Variants in PIPOX observed in about 807,000 individuals in gnomAD.
The protein encoded by PIPOX is peroxisomal sarcosine oxidase.
PIPOX carries 45 observed loss-of-function variants against 47.9 expected under a neutral mutation model. The observed-to-expected ratio is 0.94, with a 90% CI of 0.74 to 1.20. The LOEUF (loss-of-function observed/expected upper bound fraction) is 1.20, where lower values mean the gene tolerates loss of function less well. PIPOX is among the 50% of genes most tolerant of loss of function. The pLI is 0.00. For synonymous variants in PIPOX, 165 were observed against 191.3 expected, an observed-to-expected ratio of 0.86 and a Z score of 1.13; for missense variants, 458 against 498.4, an observed-to-expected ratio of 0.92 and a Z score of 0.77.
rs746064574 is a variant in PIPOX at position 29,052,966 on chromosome 17, A to C, written c.310A>C (p.Lys104Gln). The C allele has an allele frequency of 6.9e-5, 111 of 1,614,108 alleles. No individual in the cohort carries two copies. Among genetic ancestry groups the C allele is most frequent in the Middle Eastern group, 3.3e-4 (2 of 6,084 alleles). Residue 104 changes from lysine to glutamine, a missense_variant, in exon 3 of 8, where the codon AAG becomes CAG. Transcript: ENST00000323372. ...LLGMKENQEL[K>Q]TIQANLSRQR... The stretch of plus-strand genomic sequence containing the variant: ...GGGAATGAAAGAGAATCAAGAATTA[A>C]AGACAATCCAGGCCAATCTGTCGAG...
At chr17:29,047,531 G>A (rs886641283) in intron 2 of PIPOX, among the ~76,000 whole-genome samples, 3 of 152,176 alleles carry the variant, frequency 2.0e-5, no homozygotes, top group Non-Finnish European at 2.9e-5. Flanking sequence ...TGCAGGCAAC[G>A]TGGTCTCTGT....
Position 29,055,837 on chromosome 17 carries a change from C to A in PIPOX, c.991C>A (p.Leu331Ile). ...YTNTPDEQFI[L>I]DRHPKYDNIV... The stretch of plus-strand genomic sequence containing the variant: ...GAATACCCCTGATGAGCAGTTCATT[C>A]TCGATCGCCACCCAAAGTATGACAA... The change falls in exon 7 of 8, where the codon CTC becomes ATC. Residue 331 changes from leucine (L) to isoleucine (I), a missense_variant. Transcript: ENST00000323372. The A allele has an allele frequency of 6.2e-7, 1 of 1,613,954 alleles. No homozygotes were observed. The highest frequency in any genetic ancestry group is 8.5e-7 in the Non-Finnish European group (1 of 1,179,838).
chr17:29,053,630 A>C (rs767941478), intron 4 of PIPOX, 35 bp downstream of exon 4: 9 of 1,515,670 alleles, frequency 5.9e-6, no homozygotes, highest in Non-Finnish European at 7.2e-6. Flanking sequence ...GTTGGTGCTC[A>C]AGAGAAGCCT....
chr17:29,056,199 T>C lies in PIPOX; in HGVS notation c.1067T>C (p.Val356Ala). 6.2e-7 allele frequency: 1 copy of C among 1,614,140 alleles called. No homozygotes were observed. Among genetic ancestry groups the C allele is most frequent in the Non-Finnish European group, 8.5e-7 (1 of 1,180,004 alleles). The change falls in exon 8 of 8, where the codon GTG (valine) becomes GCG (alanine). Residue 356 changes from valine to alanine, a missense_variant. By Grantham distance (64) the Val-to-Ala change is moderately conservative. Transcript: ENST00000323372. ...FSGHGFKLAP[V>A]VGKILYELSM... is the part of the protein sequence containing the mutation. ...GGGCACGGGTTCAAGCTGGCCCCTG[T>C]GGTGGGGAAGATCCTGTATGAATTA...
At position 29,054,592 on chromosome 17, in the gene PIPOX, C is replaced by A; in HGVS notation, c.708C>A (p.Ser236Arg). The A allele has an allele frequency of 1.2e-6, 2 of 1,614,156 alleles. No individual in the cohort carries two copies. Among genetic ancestry groups the A allele is most frequent in the Non-Finnish European group, 1.7e-6 (2 of 1,179,978 alleles). ...VCYWREMVPG[S>R]YGVSQAFPCF... ...ACTGGCGAGAGATGGTTCCTGGGAG[C>A]TATGGTGTGTCCCAGGCCTTTCCGT... Residue 236 changes from serine to arginine, a missense_variant, in exon 5 of 8, where the codon AGC becomes AGA. Ser to Arg is a moderately radical substitution (Grantham distance 110). Coordinates refer to ENST00000323372, the MANE Select transcript of PIPOX (RefSeq NM_016518.3).
chr17:29,043,381 T>G, intron 1 of PIPOX, 42 bp downstream of exon 1: 123 of 1,336,234 alleles, frequency 9.2e-5, no homozygotes, highest in Middle Eastern at 1.8e-4. Context: ...AGGACTGTCC[T>G]ACCCTCCTCC....
intron 1 of PIPOX, 56 bp downstream of exon 1, chr17:29,043,395 G>T: frequency 7.7e-7 from 1 of 1,299,858 alleles, no homozygotes; most frequent in Non-Finnish European, 1.1e-6. Flanking sequence ...CTCCTCCCCT[G>T]CAGAAGGGTT....
At position 29,054,656 on chromosome 17, in the gene PIPOX, G is replaced by A. The variant is rs772680127; in HGVS notation, c.772G>A (p.Gly258Arg). 11 of 1,613,996 alleles carry A rather than the reference G, an allele frequency of 6.8e-6. No individual in the cohort carries two copies. Among genetic ancestry groups the A allele is most frequent in the Middle Eastern group, 1.6e-4 (1 of 6,084 alleles). ...WLGLCPHHIY[G>R]LPTGEYPGLM... ...GGGCTTGTGTCCCCACCACATCTACGGACTGCCCACAGGAGAGTACCCAGG... is the reference window on the plus strand; with the variant it reads ...GGGCTTGTGTCCCCACCACATCTACAGACTGCCCACAGGAGAGTACCCAGG... Residue 258 changes from glycine to arginine, a missense_variant, in exon 5 of 8, where the codon GGA (glycine) becomes AGA (arginine). Coordinates refer to ENST00000323372, the MANE Select transcript of PIPOX (RefSeq NM_016518.3).
Position 29,056,632 on chromosome 17 carries a change from A to G in PIPOX, c.*327A>G, listed in dbSNP as rs1367857302. Reference sequence around the variant, plus strand: ...TAGCAAGGACGTTTGAGATGGGTATATCAGTAAGAAGAGGGCACAAGAACT... The same window carrying G: ...TAGCAAGGACGTTTGAGATGGGTATGTCAGTAAGAAGAGGGCACAAGAACT... On this transcript the variant is annotated 3_prime_UTR_variant, in exon 8 of 8. Coordinates refer to ENST00000323372, the MANE Select transcript of PIPOX (RefSeq NM_016518.3). 12 of 341,464 alleles carry G rather than the reference A, an allele frequency of 3.5e-5. No homozygotes were observed. Among genetic ancestry groups the G allele is most frequent in the Non-Finnish European group, 5.9e-5 (11 of 185,814 alleles). The allele number at this position is 341,464 out of a possible 1,614,324, so 21.2% of individuals were successfully genotyped here.
intron 5 of PIPOX, 147 bp from the exon 6 acceptor site, chr17:29,054,916 C>A: frequency 2.6e-6 from 3 of 1,163,452 alleles, no homozygotes; most frequent in Non-Finnish European, 2.5e-6. Flanking sequence ...AGCTAAGCAG[C>A]CTCAGGTGAC....
intron 2 of PIPOX, among the ~76,000 whole-genome samples, chr17:29,049,663 G>T (rs751588472): frequency 2.6e-5 from 4 of 152,066 alleles, no homozygotes; most frequent in African/African-American, 7.2e-5. Context: ...GCATTTCCAG[G>T]CAGTGTTTTA....
At chr17:29,051,299 G>T (rs2065805163) in intron 2 of PIPOX, among the ~76,000 whole-genome samples, 1 of 152,178 alleles carries the variant, frequency 6.6e-6, no homozygotes, top group Non-Finnish European at 1.5e-5. Flanking sequence ...GTGAATGCTG[G>T]GTAGGCGGGG....
chr17:29,056,171 C>G lies in PIPOX; in HGVS notation c.1043-4C>G. 6.2e-7 allele frequency: 1 copy of G among 1,614,016 alleles called. No homozygotes were observed. Among genetic ancestry groups the G allele is most frequent in the Non-Finnish European group, 8.5e-7 (1 of 1,179,948 alleles). ...TGCCTGAGAGTCTGCTCTTCCCTTC[C>G]TAGGGCACGGGTTCAAGCTGGCCCC... On this transcript the variant is annotated splice_polypyrimidine_tract_variant and splice_region_variant and intron_variant, in intron 7 of 7. Transcript: ENST00000323372.
chr17:29,044,985 G>A lies in PIPOX; in HGVS notation c.241G>A (p.Glu81Lys), dbSNP rs747433147. The A allele has an allele frequency of 1.1e-5, 17 of 1,610,622 alleles. No individual in the cohort carries two copies. The highest frequency in any genetic ancestry group is 4.5e-5 in the East Asian group (2 of 44,764). Reference protein sequence around the residue: ...CYQIWAQLEHEAGTQLHRQTG... With the variant: ...CYQIWAQLEHKAGTQLHRQTG... ...TCAGATATGGGCCCAGCTGGAGCAC[G>A]AGGCTGGAACCCAATTGCACAGGTG... The change falls in exon 2 of 8, where the codon GAG (glutamate) becomes AAG (lysine). Residue 81 changes from glutamate (E) to lysine (K), a missense_variant. Physicochemically the swap from Glu to Lys is moderately conservative, Grantham distance 56. Coordinates refer to ENST00000323372, the MANE Select transcript of PIPOX (RefSeq NM_016518.3).
intron 6 of PIPOX, among the ~76,000 whole-genome samples, chr17:29,055,514 C>A (rs1230976589): frequency 2.0e-5 from 3 of 152,176 alleles, no homozygotes; most frequent in African/African-American, 4.8e-5. Flanking sequence ...GTTGAGCAGG[C>A]CTTAGGGACA....
In PIPOX at chr17:29,053,579, TTGA is replaced by T. The variant is rs1198326093; in HGVS notation, c.645_647del (p.Ile215_Glu216delinsMet). ...AACCAGCTCCTCCGTCCCCTGGGCA[TTGA>T]GATGCCTCTCCAGGTAAGAGGAGCT... On this transcript the variant is annotated inframe_deletion, in exon 4 of 8. Coordinates refer to ENST00000323372, the MANE Select transcript of PIPOX (RefSeq NM_016518.3). 6.3e-7 allele frequency: 1 copy of T among 1,592,428 alleles called. No homozygotes were observed. The highest frequency in any genetic ancestry group is 1.3e-5 in the African/African-American group (1 of 74,294).
chr17:29,052,036 G>C (rs1178320588), intron 2 of PIPOX: 1 of 471,142 alleles, frequency 2.1e-6, no homozygotes, highest in Non-Finnish European at 4.4e-6. Flanking sequence ...CAAGGTCATG[G>C]GCAAGGTGAA....
At chr17:29,050,989 G>T (rs1468927912) in intron 2 of PIPOX, among the ~76,000 whole-genome samples, 1 of 151,962 alleles carries the variant, frequency 6.6e-6, no homozygotes. Flanking sequence ...GGGTGTGGTG[G>T]TGAGCGCCTG....
intron 4 of PIPOX, 32 bp downstream of exon 4, chr17:29,053,627 C>T (rs1568020518): frequency 2.6e-6 from 4 of 1,522,914 alleles, no homozygotes; most frequent in Non-Finnish European, 3.6e-6. Context: ...AGAGTTGGTG[C>T]TCAAGAGAAG....
Sources: gnomAD v4.1 joint callset for allele counts (sites outside exome capture counted in the v4.1 genomes callset) on GRCh38, gnomAD v4.1.1 for gene constraint, MANE v1.5 for transcripts, NCBI Gene and HGNC (gene_info 2026-07-23, HGNC 2026-07-21) for gene names.